The following TTC3 variants were observed in gnomAD, a reference collection of about 807,000 sequenced individuals.
The protein encoded by TTC3 is tetratricopeptide repeat domain 3, also known as E3 ubiquitin-protein ligase TTC3.
Under a neutral mutation model 249.6 loss-of-function variants are expected in TTC3, and 180 were observed. The observed-to-expected ratio is 0.72, with a 90% confidence interval of 0.64 to 0.82. The LOEUF is 0.82. Among genes scored for constraint, TTC3 ranks in the 40% least tolerant of loss-of-function variants. The probability of loss-of-function intolerance (pLI) is 0.00; values close to 1 mark genes in which losing one functional copy is unlikely to be tolerated. For synonymous variants in TTC3, 717 were observed against 805.0 expected (o/e 0.89, Z 1.85); for missense variants, 2,061 against 2,398.4 (o/e 0.86, Z 2.94).
At chr21:37,160,763 T>C (rs1398132992) in intron 29 of TTC3, 39 bp from the exon 30 acceptor site, 2 of 1,601,448 alleles carry the variant, frequency 1.2e-6, no homozygotes, top group East Asian at 2.3e-5. Flanking sequence ...CATAATGCTG[T>C]TATTTGAGTG....
intron 10 of TTC3, chr21:37,107,872 T>C (rs1284564602): frequency 1.3e-5 from 2 of 152,570 alleles, no homozygotes; most frequent in Non-Finnish European, 2.9e-5. Context: ...GATCACAAGG[T>C]CAGGAGATCG....
At chr21:37,109,185 A>C (rs1884842077) in intron 11 of TTC3, among the ~76,000 whole-genome samples, 1 of 152,178 alleles carries the variant, frequency 6.6e-6, no homozygotes, top group South Asian at 2.1e-4. Flanking sequence ...TACTGGGTTC[A>C]TCTCACTGGG....
intron 20 of TTC3, 145 bp from the exon 21 acceptor site, chr21:37,144,380 G>A (rs1371734782): frequency 1.0e-6 from 1 of 968,472 alleles, no homozygotes; most frequent in Non-Finnish European, 1.4e-6. Flanking sequence ...TTTTTTTAAA[G>A]AAAATTTAGG....
intron 28 of TTC3, chr21:37,159,395 C>G (rs1158682653): frequency 1.5e-5 from 4 of 269,930 alleles, no homozygotes; most frequent in Non-Finnish European, 2.1e-5. Flanking sequence ...GGCAGTAGAA[C>G]AGGAGTTCAT....
chr21:37,140,843 G>T (rs2078376428), intron 20 of TTC3, among the ~76,000 whole-genome samples, 170 bp downstream of exon 20: 1 of 152,142 alleles, frequency 6.6e-6, no homozygotes, highest in Admixed American at 6.5e-5. Context: ...AATTGTTAAA[G>T]CAAGGCCAGT....
chr21:37,119,184 T>C (rs958908923), intron 11 of TTC3, among the ~76,000 whole-genome samples: 3 of 152,196 alleles, frequency 2.0e-5, no homozygotes, highest in African/African-American at 7.2e-5. Context: ...TAAAGTTACT[T>C]AGAAACAATT....
chr21:37,123,472 A>G (rs2076789220), intron 13 of TTC3, among the ~76,000 whole-genome samples: 1 of 152,232 alleles, frequency 6.6e-6, no homozygotes, highest in Non-Finnish European at 1.5e-5. Context: ...AGGCTAAGAT[A>G]CTTCCTATTA....
rs765814223 is a variant in TTC3 at position 37,150,858 on chromosome 21, A to G, written c.2250A>G (p.Arg750=). 2.2e-5 allele frequency: 36 copies of G among 1,610,966 alleles called. No individual in the cohort carries two copies. The South Asian group carries it at 3.9e-4, about 17-fold the overall frequency. Residue 750 remains arginine (R), a synonymous_variant, in exon 25 of 46, where the codon AGA becomes AGG. Coordinates refer to ENST00000355666, the Ensembl canonical transcript of TTC3. ...TCATAAAAGAAAAGGTTCCTCCAAG[A>G]CCTATTCTGAAACAGAAATGTTCTA...
chr21:37,171,138 T>G (rs1351869228), intron 34 of TTC3, among the ~76,000 whole-genome samples: 1 of 152,244 alleles, frequency 6.6e-6, no homozygotes. Flanking sequence ...AGTCTTATAG[T>G]GAACATTTTG....
chr21:37,137,397 T>G (rs888744521), intron 18 of TTC3, among the ~76,000 whole-genome samples: 2 of 152,168 alleles, frequency 1.3e-5, no homozygotes, highest in Non-Finnish European at 2.9e-5. Flanking sequence ...TACAGGAGTT[T>G]GGAAGAAGTA....
intron 42 of TTC3, among the ~76,000 whole-genome samples, chr21:37,196,896 T>C (rs2148238814): frequency 6.6e-6 from 1 of 152,306 alleles, no homozygotes; most frequent in Non-Finnish European, 1.5e-5. Context: ...GAGCAAGAGC[T>C]GTAAATAGAG....
chr21:37,090,181 CAAGTAGAATTGACTG>C, intron 5 of TTC3, 37 bp from the exon 6 acceptor site: 1 of 1,402,856 alleles, frequency 7.1e-7, no homozygotes, highest in Non-Finnish European at 1.0e-6. Context: ...TTAGAAAATT[CAAGTAGAATTGACTG>C]AATAAGGAAA....
At chr21:37,129,811 A>G (rs2077330350) in intron 16 of TTC3, among the ~76,000 whole-genome samples, 1 of 152,214 alleles carries the variant, frequency 6.6e-6, no homozygotes, top group East Asian at 1.9e-4. Flanking sequence ...CTGGATAACT[A>G]AAACTAAATG....
intron 1 of TTC3, among the ~76,000 whole-genome samples, chr21:37,075,684 G>T (rs991067631): frequency 2.0e-5 from 3 of 152,176 alleles, no homozygotes; most frequent in Non-Finnish European, 2.9e-5. Context: ...CCCTGTGTCA[G>T]CCTATGGATT....
At chr21:37,166,374 GTCA>G (rs753327337) in exon 33 of TTC3, 2 of 1,614,184 alleles carry the variant, frequency 1.2e-6, no homozygotes, top group South Asian at 1.1e-5. Context: ...TATTTTGAGG[GTCA>G]TCATTTGAAT....
chr21:37,172,958 C>G (rs894908691), intron 35 of TTC3, among the ~76,000 whole-genome samples: 1 of 152,154 alleles, frequency 6.6e-6, no homozygotes, highest in Non-Finnish European at 1.5e-5. Flanking sequence ...GAGAAAGGGG[C>G]TGTAAGTCTG....
intron 1 of TTC3, among the ~76,000 whole-genome samples, chr21:37,075,769 G>A (rs1155787): frequency 0.46 from 69,337 of 151,966 alleles, 16,342 homozygotes; most frequent in Non-Finnish European, 0.52. Flanking sequence ...AACATTTGTT[G>A]TATACCTAAT....
At position 37,092,888 on chromosome 21, in the gene TTC3, T is replaced by C. The variant is rs867121739; in HGVS notation, c.602-1117T>C. ...GGCCCGATAAACTTTAGTTACTTACTGCATCTTAATTAGTTTATTAAATTT... is the reference window on the plus strand; with the variant it reads ...GGCCCGATAAACTTTAGTTACTTACCGCATCTTAATTAGTTTATTAAATTT... On this transcript the variant is annotated intron_variant, in intron 7 of 45. Coordinates refer to ENST00000355666, the Ensembl canonical transcript of TTC3. 9.2e-5 allele frequency among the ~76,000 whole-genome samples: 14 copies of C among 152,338 alleles called. No individual in the cohort carries two copies. In the Middle Eastern group the frequency reaches 0.01, roughly 111 times the overall value.
chr21:37,166,025 C>T (rs745374368), exon 33 of TTC3: 3 of 1,614,036 alleles, frequency 1.9e-6, no homozygotes, highest in Non-Finnish European at 2.5e-6. Context: ...GGATGGGCAA[C>T]CCAAAGGGGT....
Sources: allele counts gnomAD v4.1 joint callset (sites outside exome capture counted in the v4.1 genomes callset), GRCh38; gene constraint gnomAD v4.1.1; transcripts MANE v1.5; gene names NCBI Gene and HGNC (gene_info 2026-07-23, HGNC 2026-07-21).